The following ZNF549 variants were observed in gnomAD, a reference collection of about 807,000 sequenced individuals.
The protein encoded by ZNF549 is zinc finger protein 549.
ZNF549 carries 11 observed loss-of-function variants against 11.1 expected under a neutral mutation model. The observed-to-expected ratio is 0.99, with a 90% CI of 0.62 to 1.64. The LOEUF (loss-of-function observed/expected upper bound fraction) is 1.64. ZNF549 is among the 40% of genes most tolerant of loss of function. ZNF549 has a pLI of 0.00. For missense variants in ZNF549, 748 were observed against 765.1 expected, an observed-to-expected ratio of 0.98 and a Z score of 0.26; for synonymous variants, 266 against 269.1, an observed-to-expected ratio of 0.99 and a Z score of 0.11.
chr19:57,537,132 A>G (rs2089927992), intron 3 of ZNF549, 72 bp from the exon 4 acceptor site: 2 of 1,508,858 alleles, frequency 1.3e-6, no homozygotes, highest in African/African-American at 1.4e-5. Flanking sequence ...TGTGTTCCAC[A>G]GGTATTTGTA....
chr19:57,529,490 CAT>C (rs1427770729), intron 1 of ZNF549, among the ~76,000 whole-genome samples: 11 of 152,180 alleles, frequency 7.2e-5, no homozygotes, highest in African/African-American at 1.4e-4. Context: ...TTATAAAAAA[CAT>C]GTGAATGTGG....
In ZNF549 at chr19:57,527,603, G is replaced by T. The variant is rs1416385990; in HGVS notation, c.30G>T (p.Pro10=). The change falls in exon 1 of 4, where the codon CCG becomes CCT. Residue 10 remains proline, a synonymous_variant. Transcript: ENST00000376233. ...CCGAGGCAGCGCTAGTGATTACGCCGCAGGTGAGAGCGGAGTCCTCGGATC... is the reference window on the plus strand; with the variant it reads ...CCGAGGCAGCGCTAGTGATTACGCCTCAGGTGAGAGCGGAGTCCTCGGATC... MAEAALVIT[P]QIPMVTEEFV... is the part of the protein sequence containing the mutation. The T allele has an allele frequency of 6.2e-7, 1 of 1,613,618 alleles. No individual in the cohort carries two copies.
chr19:57,534,021 G>GT (rs2089914092), intron 2 of ZNF549, among the ~76,000 whole-genome samples: 1 of 152,216 alleles, frequency 6.6e-6, no homozygotes, highest in African/African-American at 2.4e-5. Flanking sequence ...GTGGAGTTCA[G>GT]GGAAGGGATC....
In ZNF549 at chr19:57,537,320, T is replaced by C. The variant is rs773797550; in HGVS notation, c.316T>C (p.Cys106Arg). 1 of 1,614,194 alleles carries C rather than the reference T, an allele frequency of 6.2e-7. No individual in the cohort carries two copies. Among genetic ancestry groups the C allele is most frequent in the South Asian group, 1.1e-5 (1 of 91,082 alleles). The change falls in exon 4 of 4, where the codon TGT becomes CGT. Residue 106 changes from cysteine to arginine, a missense_variant. Physicochemically the swap from Cys to Arg is radical, Grantham distance 180. Transcript: ENST00000376233. ...LGPSIPNAHSCEMCILVMKDI... is the reference protein window; with the variant it reads ...LGPSIPNAHSREMCILVMKDI... ...TCCTTCCATCCCAAATGCTCATTCT[T>C]GTGAGATGTGTATCCTGGTCATGAA...
At position 57,539,429 on chromosome 19, in the gene ZNF549, T is replaced by C. The variant is rs887496751; in HGVS notation, c.*502T>C. The C allele has an allele frequency of 6.4e-6, 1 of 155,362 alleles. No individual in the cohort carries two copies. The allele number at this position is 155,362 out of a possible 1,614,324, so 9.6% of individuals were successfully genotyped here. On this transcript the variant is annotated 3_prime_UTR_variant, in exon 4 of 4. Transcript: ENST00000376233. ...AAGAGGGAAATGGGCTGTCTTACCA[T>C]GTGCTGATGTATGTGCTCTGCCAGT... is the stretch of plus-strand genomic sequence containing the variant.
intron 2 of ZNF549, among the ~76,000 whole-genome samples, chr19:57,531,329 A>T (rs2089903184): frequency 6.6e-6 from 1 of 152,200 alleles, no homozygotes; most frequent in Admixed American, 6.5e-5. Context: ...TTTCCTGGGC[A>T]TAGGCGCCAG....
rs750399063 is a variant in ZNF549 at position 57,537,196 on chromosome 19, G to C, written c.200-8G>C. The C allele has an allele frequency of 2.5e-6, 4 of 1,602,590 alleles. No individual in the cohort carries two copies. The highest frequency in any genetic ancestry group is 3.4e-6 in the Non-Finnish European group (4 of 1,173,838). On this transcript the variant is annotated splice_region_variant and splice_polypyrimidine_tract_variant and intron_variant, in intron 3 of 3. Coordinates refer to ENST00000376233, the MANE Select transcript of ZNF549 (RefSeq NM_001199295.2). ...GCATATACTTCACTTGCATTTTTATGCTTTTAGGTTGTTTGCATGGAATAG... is the reference window on the plus strand; with the variant it reads ...GCATATACTTCACTTGCATTTTTATCCTTTTAGGTTGTTTGCATGGAATAG...
intron 1 of ZNF549, among the ~76,000 whole-genome samples, chr19:57,528,537 A>G (rs1190811315): frequency 6.6e-6 from 1 of 152,152 alleles, no homozygotes; most frequent in Non-Finnish European, 1.5e-5. Context: ...GAGGCTGGGA[A>G]AGTGTGGGTC....
rs1447993125 is a variant in ZNF549 at position 57,540,839 on chromosome 19, T to C, written c.*1912T>C. Reference sequence around the variant, plus strand: ...TTTTGTGTGTTTTCATTCACCTTATTTCATTCAGTCTTCCAAATGAAATGT... The same window carrying C: ...TTTTGTGTGTTTTCATTCACCTTATCTCATTCAGTCTTCCAAATGAAATGT... On this transcript the variant is annotated 3_prime_UTR_variant, in exon 4 of 4. Coordinates refer to ENST00000376233, the MANE Select transcript of ZNF549 (RefSeq NM_001199295.2). 1 of 152,212 alleles carries C rather than the reference T, an allele frequency of 6.6e-6. No individual in the cohort carries two copies. Among genetic ancestry groups the C allele is most frequent in the East Asian group, 1.9e-4 (1 of 5,196 alleles). The allele number at this position is 152,212 out of a possible 1,614,324, so 9.4% of individuals were successfully genotyped here. A position where few individuals can be genotyped will look rare whatever the true frequency, so the allele number is the denominator to read the frequency against.
At chr19:57,530,967 G>A (rs1260573152) in intron 1 of ZNF549, 103 bp from the exon 2 acceptor site, 11 of 1,085,728 alleles carry the variant, frequency 1.0e-5, no homozygotes, top group Non-Finnish European at 1.5e-5. Context: ...CAACCTCAGA[G>A]AGGTTAGGTC....
At position 57,531,414 on chromosome 19, in the gene ZNF549, A is replaced by G. The variant is rs112438136; in HGVS notation, c.72+306A>G. Among the ~76,000 whole-genome samples the G allele has an allele frequency of 7.1e-3, 1,079 of 152,286 alleles. 15 individuals are homozygous for G. The highest frequency in any genetic ancestry group is 0.022 in the African/African-American group (921 of 41,564). Reference sequence around the variant, plus strand: ...TGCAAGTCTGTGCACTGTGGCCAAAACTTTTGCAGTTTGAGCTGTGACAGA... The same window carrying G: ...TGCAAGTCTGTGCACTGTGGCCAAAGCTTTTGCAGTTTGAGCTGTGACAGA... On this transcript the variant is annotated intron_variant, in intron 2 of 3. Transcript: ENST00000376233.
Position 57,527,614 on chromosome 19 carries a change from C to G in ZNF549, c.33+8C>G. ...CTAGTGATTACGCCGCAGGTGAGAG[C>G]GGAGTCCTCGGATCCTCACCTGGGT... On this transcript the variant is annotated splice_region_variant and intron_variant, in intron 1 of 3. Coordinates refer to ENST00000376233, the MANE Select transcript of ZNF549 (RefSeq NM_001199295.2). 1 of 1,613,354 alleles carries G rather than the reference C, an allele frequency of 6.2e-7. No homozygotes were observed. Among genetic ancestry groups the G allele is most frequent in the South Asian group, 1.1e-5 (1 of 91,014 alleles).
intron 2 of ZNF549, among the ~76,000 whole-genome samples, chr19:57,532,270 G>A (rs1234931241): frequency 6.6e-6 from 1 of 152,152 alleles, no homozygotes; most frequent in Non-Finnish European, 1.5e-5. Flanking sequence ...CCTTCGTGGG[G>A]TCTCTAGGAT....
Position 57,527,424 on chromosome 19 carries a change from T to A in ZNF549, c.-150T>A. On this transcript the variant is annotated 5_prime_UTR_variant, in exon 1 of 4. Coordinates refer to ENST00000376233, the MANE Select transcript of ZNF549 (RefSeq NM_001199295.2). ...GCTCGCTGGGTCCGGGCCAGGTAACTGGAGCCGGAAACCGGTGGAGGTGGT... is the reference window on the plus strand; with the variant it reads ...GCTCGCTGGGTCCGGGCCAGGTAACAGGAGCCGGAAACCGGTGGAGGTGGT... The A allele has an allele frequency of 1.7e-6, 2 of 1,144,424 alleles. No individual in the cohort carries two copies. Among genetic ancestry groups the A allele is most frequent in the East Asian group, 2.6e-5 (1 of 37,802 alleles). 70.9% of individuals were successfully genotyped at this position (1,144,424 alleles called of 1,614,324 possible).
Position 57,539,125 on chromosome 19 carries a change from C to T in ZNF549, c.*198C>T. 1.7e-6 allele frequency: 1 copy of T among 603,952 alleles called. No homozygotes were observed. The highest frequency in any genetic ancestry group is 2.9e-5 in the East Asian group (1 of 34,948). 37.4% of individuals were successfully genotyped at this position (603,952 alleles called of 1,614,324 possible). ...AATCTGCCCAGTGTTACAACAGACA[C>T]TACCATGTGGCATATCCTCACCGTT... is the stretch of plus-strand genomic sequence containing the variant. On this transcript the variant is annotated 3_prime_UTR_variant, in exon 4 of 4. Coordinates refer to ENST00000376233, the MANE Select transcript of ZNF549 (RefSeq NM_001199295.2).
Position 57,537,741 on chromosome 19 carries a change from C to T in ZNF549, c.737C>T (p.Ala246Val), listed in dbSNP as rs145644670. Reference sequence around the variant, plus strand: ...CAGAGAGTCCACACTGGAGAAAAAGCTTATAAGCGTAGGGAATATGGGAAA... The same window carrying T: ...CAGAGAGTCCACACTGGAGAAAAAGTTTATAAGCGTAGGGAATATGGGAAA... ...EHQRVHTGEK[A>V]YKRREYGKSL... The change falls in exon 4 of 4, where the codon GCT becomes GTT. Residue 246 changes from alanine to valine, a missense_variant. Transcript: ENST00000376233. The T allele has an allele frequency of 2.8e-5, 46 of 1,614,164 alleles. No homozygotes were observed. In the African/African-American group the frequency reaches 5.7e-4, roughly 20 times the overall value.
In ZNF549 at chr19:57,537,861, A is replaced by G. The variant is rs575809260; in HGVS notation, c.857A>G (p.His286Arg). 3 of 1,613,756 alleles carry G rather than the reference A, an allele frequency of 1.9e-6. No homozygotes were observed. Among genetic ancestry groups the G allele is most frequent in the East Asian group, 4.5e-5 (2 of 44,836 alleles). ...AATATATGTGGGAAATCATTCCTCC[A>G]TAAACAAACACTCGTTGGGCACCAG... ...VCNICGKSFL[H>R]KQTLVGHQQR... The change falls in exon 4 of 4, where the codon CAT (histidine) becomes CGT (arginine). Residue 286 changes from histidine (H) to arginine (R), a missense_variant. Coordinates refer to ENST00000376233, the MANE Select transcript of ZNF549 (RefSeq NM_001199295.2).
At chr19:57,534,046 C>G (rs1379997758) in intron 2 of ZNF549, among the ~76,000 whole-genome samples, 2 of 152,114 alleles carry the variant, frequency 1.3e-5, no homozygotes, top group Non-Finnish European at 2.9e-5. Flanking sequence ...TGAAAGCTAT[C>G]CGTCAGCCAG....
In ZNF549 at chr19:57,539,861, T is replaced by A. The variant is rs1396116767; in HGVS notation, c.*934T>A. 6.6e-6 allele frequency: 1 copy of A among 152,232 alleles called. No individual in the cohort carries two copies. Among genetic ancestry groups the A allele is most frequent in the Non-Finnish European group, 1.5e-5 (1 of 68,068 alleles). 9.4% of individuals were successfully genotyped at this position (152,232 alleles called of 1,614,324 possible). A position where few individuals can be genotyped will look rare whatever the true frequency, so the allele number is the denominator to read the frequency against. On this transcript the variant is annotated 3_prime_UTR_variant, in exon 4 of 4. Coordinates refer to ENST00000376233, the MANE Select transcript of ZNF549 (RefSeq NM_001199295.2). ...AATTGGCCCAGACAGGTAGGTGTGATAAACAGAGTAGAAAAGATTGTGGCC... is the reference window on the plus strand; with the variant it reads ...AATTGGCCCAGACAGGTAGGTGTGAAAAACAGAGTAGAAAAGATTGTGGCC...
Sources: gnomAD v4.1 joint callset for allele counts (sites outside exome capture counted in the v4.1 genomes callset) on GRCh38, gnomAD v4.1.1 for gene constraint, MANE v1.5 for transcripts, NCBI Gene and HGNC (gene_info 2026-07-23, HGNC 2026-07-21) for gene names.